The following LCMT1 variants were observed in gnomAD, a reference collection of about 807,000 sequenced individuals.
LCMT1 encodes [Phosphatase 2A protein]-leucine-carboxy methyltransferase 1.
LCMT1 carries 32 observed loss-of-function variants against 47.7 expected under a neutral mutation model. That is an observed-to-expected ratio of 0.67 (90% CI 0.51 to 0.90). The LOEUF is 0.90. Among genes scored for constraint, LCMT1 ranks in the 40% least tolerant of loss-of-function variants. The probability of loss-of-function intolerance (pLI) is 0.00; values close to 1 mark genes in which losing one functional copy is unlikely to be tolerated. For synonymous variants in LCMT1, 152 were observed against 149.7 expected (o/e 1.02, Z -0.11); for missense variants, 375 against 415.2 (o/e 0.90, Z 0.84).
At chr16:25,121,163 C>T (rs2141629954) in intron 1 of LCMT1, among the ~76,000 whole-genome samples, 1 of 152,046 alleles carries the variant, frequency 6.6e-6, no homozygotes, top group East Asian at 2.0e-4. Flanking sequence ...CGTGGTGGCT[C>T]ACGCCTGTAA....
rs139090908 is a variant in LCMT1, at chr16:25,137,160, G to A, written c.328-3011G>A. ...ACCAATTCTCCTGCCTCAGCCTCCC[G>A]AGTAGCTGGGATTACAGGCACCTAC... On this transcript the variant is annotated intron_variant, in intron 3 of 10. Transcript: ENST00000399069. 3.7e-3 allele frequency among the ~76,000 whole-genome samples: 556 copies of A among 152,092 alleles called. 3 individuals are homozygous for A. The highest frequency in any genetic ancestry group is 0.013 in the African/African-American group (533 of 41,512).
intron 4 of LCMT1, 36 bp downstream of exon 4, chr16:25,140,283 G>T: frequency 7.0e-7 from 1 of 1,437,972 alleles, no homozygotes; most frequent in Non-Finnish European, 9.6e-7. Context: ...AAAAGCCAGC[G>T]AGAATTCAGA....
chr16:25,155,294 G>A (rs1429611957), intron 5 of LCMT1, among the ~76,000 whole-genome samples: 1 of 152,080 alleles, frequency 6.6e-6, no homozygotes, highest in Admixed American at 6.5e-5. Flanking sequence ...AGGAAGGCCG[G>A]GTGTGGTGTC....
intron 7 of LCMT1, among the ~76,000 whole-genome samples, chr16:25,168,542 CCA>C (rs1393906675): frequency 6.6e-6 from 1 of 152,106 alleles, no homozygotes; most frequent in Non-Finnish European, 1.5e-5. Context: ...CTCTCCTGCC[CCA>C]GACTTTGGTC....
intron 3 of LCMT1, among the ~76,000 whole-genome samples, chr16:25,133,841 C>G (rs1044275195): frequency 1.3e-5 from 2 of 151,234 alleles, no homozygotes; most frequent in Non-Finnish European, 3.0e-5. Context: ...AGAGACCAGC[C>G]TGGCCAACAT....
At chr16:25,114,669 T>A (rs1959732468) in intron 1 of LCMT1, among the ~76,000 whole-genome samples, 1 of 152,128 alleles carries the variant, frequency 6.6e-6, no homozygotes, top group Non-Finnish European at 1.5e-5. Flanking sequence ...TCTATTTTGT[T>A]AGCCTCTCCT....
intron 9 of LCMT1, chr16:25,174,716 A>G (rs1961875154): frequency 3.3e-6 from 1 of 303,844 alleles, no homozygotes; most frequent in South Asian, 8.9e-5. Flanking sequence ...TTGCAAATAT[A>G]TGTTTCTAGT....
rs35753205 is a variant in LCMT1, at chr16:25,172,308, C to CAAA, written c.884+1515_884+1517dup. Reference sequence around the variant, plus strand: ...GGGCAACAAGAGCGAAACTCTGTCTCAAAAAAAAAAAAAATAGGGTACATA... The same window carrying CAAA: ...GGGCAACAAGAGCGAAACTCTGTCTCAAAAAAAAAAAAAAAAATAGGGTACATA... On this transcript the variant is annotated intron_variant, in intron 9 of 10. Transcript: ENST00000399069. Among the ~76,000 whole-genome samples the CAAA allele has an allele frequency of 2.0e-3, 254 of 125,764 alleles. 1 individual carries two copies. Among genetic ancestry groups the CAAA allele is most frequent in the African/African-American group, 4.8e-3 (158 of 33,186 alleles). The allele number at this position is 125,764 out of a possible 152,430, so 82.5% of individuals were successfully genotyped here.
chr16:25,157,683 A>C (rs554514603), intron 5 of LCMT1, among the ~76,000 whole-genome samples: 1 of 152,378 alleles, frequency 6.6e-6, no homozygotes, highest in South Asian at 2.1e-4. Context: ...TTAAAACAAC[A>C]ACCATCTATT....
chr16:25,117,508 T>C (rs1597555414), intron 1 of LCMT1, among the ~76,000 whole-genome samples: 1 of 152,162 alleles, frequency 6.6e-6, no homozygotes, highest in Non-Finnish European at 1.5e-5. Context: ...CCTCGTGTTC[T>C]CCCTGCCATT....
At chr16:25,176,162 C>T (rs1961927649) in intron 10 of LCMT1, among the ~76,000 whole-genome samples, 1 of 152,192 alleles carries the variant, frequency 6.6e-6, no homozygotes, top group East Asian at 1.9e-4. Context: ...GGATCTATCT[C>T]TGTTTCTTGT....
intron 4 of LCMT1, chr16:25,148,731 G>T (rs556414719): frequency 6.6e-6 from 1 of 152,254 alleles, no homozygotes; most frequent in African/African-American, 2.4e-5. Context: ...AGGAAAACTC[G>T]CCAGTCGCGG....
chr16:25,141,634 G>C (rs934181583), intron 4 of LCMT1: 3 of 152,298 alleles, frequency 2.0e-5, no homozygotes, highest in African/African-American at 7.2e-5. Flanking sequence ...TGGGATTACA[G>C]GCATGAACCA....
intron 7 of LCMT1, 90 bp downstream of exon 7, chr16:25,164,808 C>G: frequency 1.3e-6 from 2 of 1,546,914 alleles, no homozygotes; most frequent in South Asian, 1.1e-5. Flanking sequence ...TTCCCTTATC[C>G]TTTTCCTTCT....
At chr16:25,130,709 A>G (rs1209721169) in intron 2 of LCMT1, among the ~76,000 whole-genome samples, 1 of 152,200 alleles carries the variant, frequency 6.6e-6, no homozygotes, top group Non-Finnish European at 1.5e-5. Context: ...AGTGTTGGCC[A>G]TTTAAGTATT....
Position 25,161,126 on chromosome 16 carries a change from G to T in LCMT1, c.491G>T (p.Arg164Ile). 3.7e-6 allele frequency: 6 copies of T among 1,609,732 alleles called. No individual in the cohort carries two copies. The highest frequency in any genetic ancestry group is 5.1e-6 in the Non-Finnish European group (6 of 1,177,766). ...GATGGACACATACTGGATTCAAAGA[G>T]ATATGCCGTTATTGGAGCAGATCTC... ...QMDGHILDSK[R>I]YAVIGADLRD... The change falls in exon 6 of 11, where the codon AGA becomes ATA. Residue 164 changes from arginine to isoleucine, a missense_variant. Transcript: ENST00000399069.
chr16:25,114,222 C>T (rs1250909456), intron 1 of LCMT1, among the ~76,000 whole-genome samples: 2 of 152,168 alleles, frequency 1.3e-5, no homozygotes, highest in African/African-American at 2.4e-5. Flanking sequence ...GTTTAGTTTG[C>T]TTCTTCCTTT....
At chr16:25,128,311 C>T (rs887812028) in intron 1 of LCMT1, among the ~76,000 whole-genome samples, 164 bp from the exon 2 acceptor site, 1 of 152,176 alleles carries the variant, frequency 6.6e-6, no homozygotes, top group African/African-American at 2.4e-5. Flanking sequence ...TGGATGGCTG[C>T]GTCTTCGCTT....
intron 4 of LCMT1, among the ~76,000 whole-genome samples, chr16:25,149,600 T>G (rs887575432): frequency 6.6e-6 from 1 of 152,194 alleles, no homozygotes; most frequent in African/African-American, 2.4e-5. Context: ...TACTACTTTA[T>G]TCCGAGGGCA....
Sources: gnomAD v4.1 joint callset for allele counts (sites outside exome capture counted in the v4.1 genomes callset) on GRCh38, gnomAD v4.1.1 for gene constraint, MANE v1.5 for transcripts, NCBI Gene and HGNC (gene_info 2026-07-23, HGNC 2026-07-21) for gene names.